Variants in MAP1B observed in about 807,000 individuals in gnomAD.
MAP1B encodes microtubule-associated protein 1B.
In MAP1B, 12 loss-of-function variants were observed where a neutral mutation model predicts 176.1. The observed-to-expected ratio is 0.07, with a 90% CI of 0.04 to 0.11. The LOEUF (loss-of-function observed/expected upper bound fraction) is 0.11, where lower values mean the gene tolerates loss of function less well. Among genes scored for constraint, MAP1B ranks in the 10% least tolerant of loss-of-function variants. The pLI, the probability that MAP1B is intolerant of heterozygous loss-of-function variation, is 1.00. For missense variants in MAP1B, 2,523 were observed against 2,990.5 expected (o/e 0.84, Z 3.65); for synonymous variants, 1,044 against 1,135.0 (o/e 0.92, Z 1.61).
At chr5:72,130,343 A>G (rs533057810) in intron 2 of MAP1B, among the ~76,000 whole-genome samples, 30 of 152,334 alleles carry the variant, frequency 2.0e-4, no homozygotes, top group African/African-American at 7.2e-4. Flanking sequence ...TCTTTTAACC[A>G]TCGAAATAGG....
At position 72,199,666 on chromosome 5, in the gene MAP1B, C is replaced by T. The variant is rs1206940704; in HGVS notation, c.6311C>T (p.Pro2104Leu). ...GAGCTTTCACCCTCTTTCATTAATC[C>T]CAATCCTCTTGAGTGGTTTGCCAGT... ...KTELSPSFINPNPLEWFASEE... is the reference protein window; with the variant it reads ...KTELSPSFINLNPLEWFASEE... The change falls in exon 5 of 7, where the codon CCC (proline) becomes CTC (leucine). Residue 2104 changes from proline (P) to leucine (L), a missense_variant. This residue lies in a region of MAP1B where 1,925 missense variants were observed against 2,126.0 expected (regional missense o/e 0.91). Coordinates refer to ENST00000296755, the MANE Select transcript of MAP1B (RefSeq NM_005909.5). This position sits in a 1 kb window ranked among gnomAD's most constrained non-coding sequence, Gnocchi z 4.2. The T allele has an allele frequency of 5.0e-6, 8 of 1,614,152 alleles. No homozygotes were observed. Among genetic ancestry groups the T allele is most frequent in the African/African-American group, 1.3e-5 (1 of 75,012 alleles).
intron 2 of MAP1B, among the ~76,000 whole-genome samples, chr5:72,155,567 A>G (rs764402962): frequency 2.5e-4 from 38 of 152,262 alleles, no homozygotes; most frequent in Admixed American, 5.9e-4. Context: ...ACATACAACC[A>G]TATTTGGAGC....
rs749951774 is a variant in MAP1B at position 72,107,501 on chromosome 5, G to A, written c.-31G>A. The stretch of plus-strand genomic sequence containing the variant: ...CAGTGGAGAGGAGCGGCCGGAGCGA[G>A]ACACTTCGCCGAGGCACAGCAGCCG... On this transcript the variant is annotated 5_prime_UTR_variant, in exon 1 of 7. Coordinates refer to ENST00000296755, the MANE Select transcript of MAP1B (RefSeq NM_005909.5). The A allele has an allele frequency of 7.2e-6, 11 of 1,530,720 alleles. No homozygotes were observed. The South Asian group carries it at 1.2e-4, about 17-fold the overall frequency. 94.8% of individuals were successfully genotyped at this position (1,530,720 alleles called of 1,614,324 possible).
intron 2 of MAP1B, among the ~76,000 whole-genome samples, chr5:72,124,369 T>C (rs1266888137): frequency 6.6e-6 from 1 of 152,240 alleles, no homozygotes; most frequent in Non-Finnish European, 1.5e-5. Flanking sequence ...GTTATTTTAA[T>C]AAACTCTTCT....
rs192113961 is a variant in MAP1B at position 72,122,215 on chromosome 5, C to T, written c.286+6416C>T. ...TCCCTAGCCTTTCTCCCACTTGCCC[C>T]GTGCCCTGAGCCCTCCTGGCCCGGT... On this transcript the variant is annotated intron_variant, in intron 2 of 6. Transcript: ENST00000296755. Among the ~76,000 whole-genome samples, 40 of 152,232 alleles carry T rather than the reference C, an allele frequency of 2.6e-4. No homozygotes were observed. The East Asian group carries it at 6.4e-3, about 24-fold the overall frequency.
At position 72,186,336 on chromosome 5, in the gene MAP1B, G is replaced by T. The variant is rs556071449; in HGVS notation, c.370-278G>T. Among the ~76,000 whole-genome samples the T allele has an allele frequency of 1.3e-5, 2 of 152,124 alleles. No homozygotes were observed. The highest frequency in any genetic ancestry group is 2.9e-5 in the Non-Finnish European group (2 of 68,040). The stretch of plus-strand genomic sequence containing the variant: ...AAGAGGAGGAAACTAGGGGGAGAAA[G>T]TCAACTATCGCTACTGTCGTGATTG... On this transcript the variant is annotated intron_variant, in intron 3 of 6. Transcript: ENST00000296755. This position sits in a 1 kb window ranked among gnomAD's most constrained non-coding sequence, Gnocchi z 4.3.
Position 72,206,905 on chromosome 5 carries a change from C to T in MAP1B, c.*1666C>T, listed in dbSNP as rs1446059247. ...GGCATGGTAGGCTACTTTTCAGGGC[C>T]TTGACAAGTACATCACCCAGTGGTA... On this transcript the variant is annotated 3_prime_UTR_variant, in exon 7 of 7. Transcript: ENST00000296755. The T allele has an allele frequency of 1.3e-5, 2 of 152,002 alleles. No individual in the cohort carries two copies. The highest frequency in any genetic ancestry group is 2.9e-5 in the Non-Finnish European group (2 of 68,004). The allele number at this position is 152,002 out of a possible 1,614,324, so 9.4% of individuals were successfully genotyped here. A position where few individuals can be genotyped will look rare whatever the true frequency, so the allele number is the denominator to read the frequency against.
intron 2 of MAP1B, among the ~76,000 whole-genome samples, chr5:72,174,327 A>C (rs1471601825): frequency 6.6e-6 from 1 of 152,238 alleles, no homozygotes; most frequent in Admixed American, 6.5e-5. Flanking sequence ...AAAAAATTGT[A>C]TAAACCATAA....
chr5:72,163,087 G>C (rs1303660110), intron 2 of MAP1B, among the ~76,000 whole-genome samples: 1 of 151,956 alleles, frequency 6.6e-6, no homozygotes, highest in Non-Finnish European at 1.5e-5. Context: ...AATTAGCTGG[G>C]CATGGTGGTG....
At chr5:72,175,969 C>T (rs945724240) in intron 2 of MAP1B, among the ~76,000 whole-genome samples, 4 of 152,158 alleles carry the variant, frequency 2.6e-5, no homozygotes, top group African/African-American at 9.7e-5. Flanking sequence ...TTTTTTTATT[C>T]TCTTAAGAAA....
At chr5:72,143,067 TTG>T (rs768474986) in intron 2 of MAP1B, among the ~76,000 whole-genome samples, 5 of 152,078 alleles carry the variant, frequency 3.3e-5, no homozygotes, top group South Asian at 2.1e-4. Context: ...TTGTGTTCTC[TTG>T]TGTGTGTGTG....
At position 72,186,571 on chromosome 5, in the gene MAP1B, C is replaced by T. The variant is rs1318121058; in HGVS notation, c.370-43C>T. On this transcript the variant is annotated intron_variant, in intron 3 of 6. Transcript: ENST00000296755. This position sits in a 1 kb window ranked among gnomAD's most constrained non-coding sequence, Gnocchi z 4.3. ...CCCTGTCCTGAAGGTGGGATGGCAG[C>T]ACTGCCCATGGCTCAGGGCCTACGT... 3.1e-6 allele frequency: 5 copies of T among 1,603,622 alleles called. No individual in the cohort carries two copies. In the African/African-American group the frequency reaches 5.4e-5, roughly 17 times the overall value.
At chr5:72,160,241 CA>C (rs1340860945) in intron 2 of MAP1B, among the ~76,000 whole-genome samples, 1 of 147,952 alleles carries the variant, frequency 6.8e-6, no homozygotes, top group African/African-American at 2.5e-5. Flanking sequence ...AAATCCAAAC[CA>C]AAAAAACTTT....
At chr5:72,165,786 G>A (rs570428464) in intron 2 of MAP1B, among the ~76,000 whole-genome samples, 4 of 152,142 alleles carry the variant, frequency 2.6e-5, no homozygotes, top group African/African-American at 9.7e-5. Context: ...GCTCATAAGT[G>A]TATCACCCCA....
intron 2 of MAP1B, among the ~76,000 whole-genome samples, chr5:72,165,619 A>T (rs770646275): frequency 3.9e-4 from 59 of 152,264 alleles, no homozygotes; most frequent in Non-Finnish European, 7.2e-4. Context: ...CAGTTTTCCC[A>T]TCCACTAAAT....
At position 72,196,503 on chromosome 5, in the gene MAP1B, G is replaced by A. The variant is rs770799371; in HGVS notation, c.3148G>A (p.Asp1050Asn). ...TGAAGACTATGTGATGGCTGTGGTCGACAAGGCTGCAGAGGCTGGTGGTGC... is the reference window on the plus strand; with the variant it reads ...TGAAGACTATGTGATGGCTGTGGTCAACAAGGCTGCAGAGGCTGGTGGTGC... Reference protein sequence around the residue: ...EAEDYVMAVVDKAAEAGGAEE... With the variant: ...EAEDYVMAVVNKAAEAGGAEE... The change falls in exon 5 of 7, where the codon GAC becomes AAC. Residue 1050 changes from aspartate (D) to asparagine (N), a missense_variant. Transcript: ENST00000296755. The surrounding 1 kb of genome is among the most constrained non-coding windows in gnomAD (Gnocchi z 5.3). The A allele has an allele frequency of 2.5e-6, 4 of 1,613,810 alleles. No individual in the cohort carries two copies. Among genetic ancestry groups the A allele is most frequent in the Admixed American group, 1.7e-5 (1 of 60,016 alleles).
At chr5:72,137,615 C>T (rs561734039) in intron 2 of MAP1B, among the ~76,000 whole-genome samples, 311 of 152,242 alleles carry the variant, frequency 2.0e-3, no homozygotes, top group African/African-American at 7.2e-3. Flanking sequence ...TAAAGTTACT[C>T]CTCCCTGTTT....
At position 72,124,208 on chromosome 5, in the gene MAP1B, C is replaced by T. The variant is rs568122790; in HGVS notation, c.286+8409C>T. On this transcript the variant is annotated intron_variant, in intron 2 of 6. Transcript: ENST00000296755. Reference sequence around the variant, plus strand: ...CCAGGGCTTACCCCTTTTGTTTTCTCGGCTGTGATCTAAGGGTAATTTCTA... The same window carrying T: ...CCAGGGCTTACCCCTTTTGTTTTCTTGGCTGTGATCTAAGGGTAATTTCTA... 2.1e-4 allele frequency among the ~76,000 whole-genome samples: 32 copies of T among 152,208 alleles called. No homozygotes were observed. In the East Asian group the frequency reaches 2.1e-3, roughly 10 times the overall value.
At chr5:72,148,019 T>G (rs1336295965) in intron 2 of MAP1B, among the ~76,000 whole-genome samples, 3 of 152,234 alleles carry the variant, frequency 2.0e-5, no homozygotes, top group Non-Finnish European at 2.9e-5. Context: ...AATGGTAAGT[T>G]TCTCTAAATG....
Sources: gnomAD v4.1 joint callset for allele counts (sites outside exome capture counted in the v4.1 genomes callset) on GRCh38, gnomAD v4.1.1 for gene constraint, gnomAD v4.1.1 regional missense constraint, Gnocchi (gnomAD v3.1) non-coding constraint, MANE v1.5 for transcripts, NCBI Gene and HGNC (gene_info 2026-07-23, HGNC 2026-07-21) for gene names.